DSE: variants seen among roughly 807,000 people sequenced by gnomAD.
The protein encoded by DSE is dermatan sulfate epimerase.
DSE carries 36 observed loss-of-function variants against 84.4 expected under a neutral mutation model. The ratio of observed to expected loss-of-function variants is 0.43; its 90% CI spans 0.33 to 0.56. DSE has a LOEUF of 0.56. Ranked by LOEUF, DSE falls within the 20% of genes least tolerant of loss-of-function variation. The probability of loss-of-function intolerance (pLI) is 0.06; values close to 1 mark genes in which losing one functional copy is unlikely to be tolerated. For missense variants in DSE, 862 were observed against 1,169.6 expected (o/e 0.74, Z 3.84); for synonymous variants, 410 against 430.1 (o/e 0.95, Z 0.58).
intron 1 of DSE, 119 bp downstream of exon 1, chr6:116,371,240 C>T (rs944009862): frequency 2.0e-6 from 2 of 979,126 alleles, no homozygotes; most frequent in African/African-American, 3.5e-5. Context: ...GAGCCACGTC[C>T]CCGGCTGAGA....
At chr6:116,382,504 C>T (rs1249765904) in intron 1 of DSE, among the ~76,000 whole-genome samples, 1 of 152,116 alleles carries the variant, frequency 6.6e-6, no homozygotes, top group East Asian at 1.9e-4. Context: ...TGTTTTCTTC[C>T]TTCTTTCCAG....
intron 2 of DSE, among the ~76,000 whole-genome samples, chr6:116,272,556 T>A: frequency 6.6e-6 from 1 of 152,216 alleles, no homozygotes; most frequent in East Asian, 1.9e-4. Flanking sequence ...TACCAGGCTC[T>A]TTGCAATAGC....
chr6:116,370,860 C>T (rs1453265752), upstream of DSE: 4 of 985,758 alleles, frequency 4.1e-6, no homozygotes, highest in Non-Finnish European at 4.8e-6. Context: ...CGGTTTCCTC[C>T]CCCCTCCAGC....
rs1784234330 is a variant in DSE at position 116,437,210 on chromosome 6, C to T, written c.2742C>T (p.Val914=). Residue 914 remains valine, a synonymous_variant, in exon 6 of 6, where the codon GTC becomes GTT. Coordinates refer to ENST00000644252, the MANE Select transcript of DSE (RefSeq NM_013352.4). ...TTCTGAACATTGCTATTTTCTTTGT[C>T]ATGTTGGCAATGCAACTGACTTATT... ...FLILNIAIFF[V]MLAMQLTYFQ... 4 of 1,614,062 alleles carry T rather than the reference C, an allele frequency of 2.5e-6. No individual in the cohort carries two copies. The African/African-American group carries it at 4.0e-5, about 16-fold the overall frequency.
In DSE at chr6:116,421,463, ATTT is replaced by A. The variant is rs71012335; in HGVS notation, c.417-5085_417-5083del. ...TATACATATATATATATATATATAT[ATTT>A]TTTTTTTTTTTTTTTTTTTTTTTTT... On this transcript the variant is annotated intron_variant, in intron 2 of 5. Coordinates refer to ENST00000644252, the MANE Select transcript of DSE (RefSeq NM_013352.4). Among the ~76,000 whole-genome samples the A allele has an allele frequency of 2.0e-3, 123 of 61,248 alleles. 1 individual carries two copies. Among genetic ancestry groups the A allele is most frequent in the African/African-American group, 6.5e-3 (70 of 10,712 alleles). The allele number at this position is 61,248 out of a possible 152,430, so 40.2% of individuals were successfully genotyped here.
intron 2 of DSE, among the ~76,000 whole-genome samples, chr6:116,295,446 T>C (rs1488106986): frequency 6.6e-6 from 1 of 152,176 alleles, no homozygotes; most frequent in Non-Finnish European, 1.5e-5. Context: ...AATATTTCCT[T>C]CCAAACATTT....
At chr6:116,313,584 G>A (rs1265446423) in intron 2 of DSE, among the ~76,000 whole-genome samples, 1 of 152,160 alleles carries the variant, frequency 6.6e-6, no homozygotes, top group Non-Finnish European at 1.5e-5. Context: ...TGCAAGCATA[G>A]CTGGAGTAAC....
At chr6:116,384,191 C>T (rs1359535675) in intron 1 of DSE, among the ~76,000 whole-genome samples, 1 of 152,160 alleles carries the variant, frequency 6.6e-6, no homozygotes, top group Non-Finnish European at 1.5e-5. Context: ...AGCACAGAAA[C>T]AGTCATTCAG....
chr6:116,290,428 A>AG (rs969423503), intron 2 of DSE, among the ~76,000 whole-genome samples: 29 of 152,234 alleles, frequency 1.9e-4, no homozygotes, highest in African/African-American at 6.5e-4. Context: ...AAGTGCCCTC[A>AG]GGGGAAGCAT....
In DSE at chr6:116,441,149, T is replaced by A. The variant is rs1220025541; in HGVS notation, c.*3804T>A. 1 of 152,240 alleles carries A rather than the reference T, an allele frequency of 6.6e-6. No homozygotes were observed. Among genetic ancestry groups the A allele is most frequent in the Non-Finnish European group, 1.5e-5 (1 of 68,046 alleles). 9.4% of individuals were successfully genotyped at this position (152,240 alleles called of 1,614,324 possible). A position where few individuals can be genotyped will look rare whatever the true frequency, so the allele number is the denominator to read the frequency against. ...CAAGAAATGACTGATATAAATCATG[T>A]GTTCCACTACATAGTCTAAATATTT... On this transcript the variant is annotated 3_prime_UTR_variant, in exon 6 of 6. Coordinates refer to ENST00000644252, the MANE Select transcript of DSE (RefSeq NM_013352.4).
chr6:116,282,768 C>T (rs1162552707), intron 2 of DSE, among the ~76,000 whole-genome samples: 3 of 152,074 alleles, frequency 2.0e-5, no homozygotes, highest in African/African-American at 7.2e-5. Context: ...GACAAGTGCT[C>T]AGGAGAAGGG....
chr6:116,378,543 T>C (rs1780055783), intron 1 of DSE, among the ~76,000 whole-genome samples: 1 of 152,166 alleles, frequency 6.6e-6, no homozygotes, highest in Non-Finnish European at 1.5e-5. Flanking sequence ...ATTGCAAAAC[T>C]CCTCCATCCC....
intron 3 of DSE, among the ~76,000 whole-genome samples, chr6:116,429,247 A>T (rs1434102663): frequency 2.0e-5 from 3 of 152,254 alleles, no homozygotes; most frequent in African/African-American, 7.2e-5. Context: ...ACCTCTGCAT[A>T]CCCAAGCCTG....
At position 116,316,822 on chromosome 6, in the gene DSE, A is replaced by ACTG. The variant is rs1219559991; in HGVS notation, c.-54+57857_-54+57858insGCT. On this transcript the variant is annotated intron_variant, in intron 2 of 3. Transcript: ENST00000430252. ...TATTTCTTCTTCTACTACTACTACT[A>ACTG]CTACTATTATTATTATTATTATTAT... is the stretch of plus-strand genomic sequence containing the variant. Among the ~76,000 whole-genome samples, 717 of 132,934 alleles carry ACTG rather than the reference A, an allele frequency of 5.4e-3. 8 individuals are homozygous for ACTG. The highest frequency in any genetic ancestry group is 0.021 in the African/African-American group (684 of 32,778). The allele number at this position is 132,934 out of a possible 152,430, so 87.2% of individuals were successfully genotyped here.
chr6:116,383,889 T>C (rs534538370), intron 1 of DSE, among the ~76,000 whole-genome samples: 1 of 152,352 alleles, frequency 6.6e-6, no homozygotes, highest in African/African-American at 2.4e-5. Flanking sequence ...AATTATTTCC[T>C]GACTGGTAAC....
chr6:116,280,281 T>A (rs1305789704), intron 2 of DSE: 3 of 233,034 alleles, frequency 1.3e-5, no homozygotes, highest in Non-Finnish European at 2.6e-5. Flanking sequence ...TCCCTGTTAC[T>A]CCACGTAACT....
intron 2 of DSE, among the ~76,000 whole-genome samples, chr6:116,335,629 A>C (rs2114802857): frequency 6.6e-6 from 1 of 152,356 alleles, no homozygotes; most frequent in East Asian, 1.9e-4. Context: ...TTTATTTGTG[A>C]TTCTAGAATC....
intron 2 of DSE, among the ~76,000 whole-genome samples, chr6:116,270,318 T>C (rs1204862): frequency 0.022 from 3,332 of 152,288 alleles, 132 homozygotes; most frequent in African/African-American, 0.077. Flanking sequence ...AAGAGCATGT[T>C]GTACCATGCA....
intron 4 of DSE, among the ~76,000 whole-genome samples, chr6:116,431,522 A>G (rs1239475353): frequency 1.3e-5 from 2 of 152,170 alleles, no homozygotes; most frequent in Non-Finnish European, 2.9e-5. Flanking sequence ...AGCAAAATAT[A>G]AACATTTGTG....
Sources: allele counts gnomAD v4.1 joint callset (sites outside exome capture counted in the v4.1 genomes callset), GRCh38; gene constraint gnomAD v4.1.1; transcripts MANE v1.5; gene names NCBI Gene and HGNC (gene_info 2026-07-23, HGNC 2026-07-21).